The following EPG5 variants were observed in gnomAD, a reference collection of about 807,000 sequenced individuals.
EPG5 encodes ectopic P granules protein 5 homolog.
In EPG5, 159 loss-of-function variants were observed where a neutral mutation model predicts 302.7. The ratio of observed to expected loss-of-function variants is 0.53; its 90% CI spans 0.46 to 0.60. EPG5 has a LOEUF of 0.60. Among genes scored for constraint, EPG5 ranks in the 20% least tolerant of loss-of-function variants. The probability of loss-of-function intolerance (pLI) is 0.00; values close to 1 mark genes in which losing one functional copy is unlikely to be tolerated. For missense variants in EPG5, 2,896 were observed against 3,092.4 expected, an observed-to-expected ratio of 0.94 and a Z score of 1.51; for synonymous variants, 1,158 against 1,136.8, an observed-to-expected ratio of 1.02 and a Z score of -0.37.
chr18:45,926,502 T>C (rs889723196), intron 13 of EPG5, among the ~76,000 whole-genome samples: 1 of 152,176 alleles, frequency 6.6e-6, no homozygotes, highest in African/African-American at 2.4e-5. Context: ...ACAGCACTAC[T>C]TTTAAAATAA....
intron 35 of EPG5, among the ~76,000 whole-genome samples, 158 bp from the exon 36 acceptor site, chr18:45,870,900 G>A (rs2048858381): frequency 1.3e-5 from 2 of 152,040 alleles, no homozygotes. Flanking sequence ...GGGACTACTG[G>A]CAGATTAGTA....
At chr18:45,964,623 G>T (rs1011407309) in intron 1 of EPG5, among the ~76,000 whole-genome samples, 3 of 151,956 alleles carry the variant, frequency 2.0e-5, no homozygotes, top group Non-Finnish European at 4.4e-5. Context: ...CTTCCTCCTG[G>T]GCCTGGATAG....
chr18:45,936,720 CAAAA>C (rs762675563), intron 10 of EPG5, among the ~76,000 whole-genome samples: 12 of 53,860 alleles, frequency 2.2e-4, no homozygotes, highest in Non-Finnish European at 4.0e-4. Context: ...GACTCCATTT[CAAAA>C]AAAAAAAAAA....
At chr18:45,812,791 A>C in the EPG5 span, among the ~76,000 whole-genome samples, 3 of 152,194 alleles carry the variant, frequency 2.0e-5, no homozygotes. Flanking sequence ...AAGACATAAA[A>C]GTTAGACCTA....
chr18:45,855,515 C>T (rs2048497408), intron 43 of EPG5, 58 bp downstream of exon 43: 2 of 1,288,998 alleles, frequency 1.6e-6, no homozygotes, highest in Non-Finnish European at 2.2e-6. Flanking sequence ...CTGCCACCTC[C>T]CTGCCTTCTA....
Position 45,855,625 on chromosome 18 carries a change from TG to T in EPG5, c.7504del (p.Gln2502ArgfsTer4). 1 of 1,614,196 alleles carries T rather than the reference TG, an allele frequency of 6.2e-7. No individual in the cohort carries two copies. Among genetic ancestry groups the T allele is most frequent in the Non-Finnish European group, 8.5e-7 (1 of 1,180,020 alleles). ...TTCAGAGCCAGGCCTCAAACGGATCTGATCTTCCATAGGAACCTGAACTGAA... is the reference window on the plus strand; with the variant it reads ...TTCAGAGCCAGGCCTCAAACGGATCTATCTTCCATAGGAACCTGAACTGAA... ...FLSVQVPMED[Q>X]IRLRPGSELH... On this transcript the variant is annotated frameshift_variant, in exon 43 of 44. Transcript: ENST00000282041. LOFTEE classifies it high-confidence loss of function.
Position 45,852,575 on chromosome 18 carries a change from G to A in EPG5, c.7632C>T (p.Thr2544=), listed in dbSNP as rs2048437904. ...AATGGCCAGGATGCCTTATAAATTG[G>A]GTGGCTTGCAATATTTGATCCTGGT... ...VEYQDQILQA[T]QFIRHPGHCL... Residue 2544 remains threonine, a synonymous_variant, in exon 44 of 44, where the codon ACC becomes ACT. Coordinates refer to ENST00000282041, the MANE Select transcript of EPG5 (RefSeq NM_020964.3). 6.2e-7 allele frequency: 1 copy of A among 1,613,992 alleles called. No homozygotes were observed. The highest frequency in any genetic ancestry group is 1.7e-5 in the Admixed American group (1 of 60,002).
At chr18:45,958,998 C>A (rs865823410) in intron 1 of EPG5, among the ~76,000 whole-genome samples, 1 of 151,860 alleles carries the variant, frequency 6.6e-6, no homozygotes, top group Non-Finnish European at 1.5e-5. Context: ...CTGGCTTCCC[C>A]CAACCCACCA....
intron 43 of EPG5, among the ~76,000 whole-genome samples, 174 bp from the exon 44 acceptor site, chr18:45,852,823 C>A (rs953829399): frequency 1.3e-5 from 2 of 152,186 alleles, no homozygotes; most frequent in South Asian, 4.1e-4. Context: ...TTAACCACAA[C>A]CAGAAGGAGG....
intron 23 of EPG5, among the ~76,000 whole-genome samples, chr18:45,909,094 T>TACTTTACTCAATAAA (rs2049829801): frequency 6.6e-6 from 1 of 152,138 alleles, no homozygotes; most frequent in Non-Finnish European, 1.5e-5. Context: ...GACTGGGAGA[T>TACTTTACTCAATAAA]GGTCTGGCCT....
chr18:45,883,012 C>CAAAAAAA (rs35030980), intron 30 of EPG5, among the ~76,000 whole-genome samples: 3 of 87,442 alleles, frequency 3.4e-5, no homozygotes, highest in African/African-American at 1.1e-4. Flanking sequence ...CGTCTCACAA[C>CAAAAAAA]AAAAAAAAAA....
At chr18:45,810,688 G>A in the EPG5 span, among the ~76,000 whole-genome samples, 1 of 152,146 alleles carries the variant, frequency 6.6e-6, no homozygotes, top group African/African-American at 2.4e-5. Context: ...AGCTGAGACA[G>A]GAGAATCACT....
the EPG5 span, among the ~76,000 whole-genome samples, chr18:45,828,135 G>A: frequency 1.3e-5 from 2 of 152,182 alleles, no homozygotes; most frequent in Admixed American, 6.5e-5. Flanking sequence ...GGAGGCCCGA[G>A]GAGCAGGCTC....
intron 39 of EPG5, among the ~76,000 whole-genome samples, chr18:45,865,237 T>C (rs2048720074): frequency 1.3e-5 from 2 of 152,182 alleles, no homozygotes; most frequent in African/African-American, 4.8e-5. Context: ...AGGCAGTATG[T>C]CTAGTCCACC....
chr18:45,966,711 G>A (rs1366407006), intron 1 of EPG5, among the ~76,000 whole-genome samples: 11 of 152,296 alleles, frequency 7.2e-5, no homozygotes, highest in Admixed American at 5.9e-4. Flanking sequence ...AAAGTGATCA[G>A]AAATGGCACA....
chr18:45,940,131 G>A (rs2050629429), intron 9 of EPG5, among the ~76,000 whole-genome samples: 1 of 152,186 alleles, frequency 6.6e-6, no homozygotes, highest in Non-Finnish European at 1.5e-5. Flanking sequence ...GATAATGTCT[G>A]GAAAACAGTG....
rs370353421 is a variant in EPG5, at chr18:45,855,544, A to G, written c.7557+29T>C. ...CCTTCTAGGGAAGATGTGCAGGCAA[A>G]CTTCTAACCCTTCATTGTATATACT... On this transcript the variant is annotated intron_variant, in intron 43 of 43. Coordinates refer to ENST00000282041, the MANE Select transcript of EPG5 (RefSeq NM_020964.3). 2.6e-6 allele frequency: 4 copies of G among 1,557,738 alleles called. No individual in the cohort carries two copies. In the Admixed American group the frequency reaches 6.7e-5, roughly 26 times the overall value.
At chr18:45,840,635 C>A in the EPG5 span, among the ~76,000 whole-genome samples, 1 of 152,210 alleles carries the variant, frequency 6.6e-6, no homozygotes, top group Non-Finnish European at 1.5e-5. Flanking sequence ...GGCCCAGAGA[C>A]CCCTAGGAAA....
At chr18:45,923,047 C>G (rs986548713) in intron 15 of EPG5, among the ~76,000 whole-genome samples, 6 of 152,216 alleles carry the variant, frequency 3.9e-5, no homozygotes, top group Non-Finnish European at 5.9e-5. Flanking sequence ...TAACACACCA[C>G]TGCAGTTCAA....
Sources: gnomAD v4.1 joint callset for allele counts (sites outside exome capture counted in the v4.1 genomes callset) on GRCh38, gnomAD v4.1.1 for gene constraint, MANE v1.5 for transcripts, NCBI Gene and HGNC (gene_info 2026-07-23, HGNC 2026-07-21) for gene names.